KBTBD11: variants seen among roughly 807,000 people sequenced by gnomAD.
The protein encoded by KBTBD11 is kelch repeat and BTB domain containing 11.
For synonymous variants in KBTBD11, 747 were observed against 499.0 expected, an observed-to-expected ratio of 1.50 and a Z score of -6.63; for missense variants, 1,390 against 1,001.8, an observed-to-expected ratio of 1.39 and a Z score of -5.23.
Position 2,002,115 on chromosome 8 carries a change from C to G in KBTBD11, c.923C>G (p.Ala308Gly). Residue 308 changes from alanine (A) to glycine (G), a missense_variant, in exon 2 of 2, where the codon GCG becomes GGG. Transcript: ENST00000320248. This position sits in a 1 kb window ranked among gnomAD's most constrained non-coding sequence, Gnocchi z 4.1. ...AAALGPAGER[A>G]GSRPQSPSGD... ...GCGCTCGGGCCGGCGGGGGAGCGCG[C>G]GGGCAGCCGGCCTCAGAGCCCCTCG... The G allele has an allele frequency of 9.1e-7, 1 of 1,101,204 alleles. No homozygotes were observed. Among genetic ancestry groups the G allele is most frequent in the South Asian group, 4.3e-5 (1 of 23,236 alleles). The allele number at this position is 1,101,204 out of a possible 1,614,324, so 68.2% of individuals were successfully genotyped here. A position where few individuals can be genotyped will look rare whatever the true frequency, so the allele number is the denominator to read the frequency against.
In KBTBD11 at chr8:2,002,686, C is replaced by A; in HGVS notation, c.1494C>A (p.Leu498=). Residue 498 remains leucine, a synonymous_variant, in exon 2 of 2, where the codon CTC becomes CTA. Transcript: ENST00000320248. The surrounding 1 kb of genome is among the most constrained non-coding windows in gnomAD (Gnocchi z 4.1). ...SRERSADMVA[L]DGFIYRFDLS... is the part of the protein sequence containing the mutation. ...AGCGCTCGGCCGACATGGTGGCTCT[C>A]GACGGCTTCATCTACCGCTTCGATC... is the stretch of plus-strand genomic sequence containing the variant. 1.3e-6 allele frequency: 2 copies of A among 1,559,350 alleles called. No individual in the cohort carries two copies. The highest frequency in any genetic ancestry group is 8.6e-7 in the Non-Finnish European group (1 of 1,161,906).
chr8:1,985,774 C>T (rs1816690693), intron 1 of KBTBD11, among the ~76,000 whole-genome samples: 1 of 152,228 alleles, frequency 6.6e-6, no homozygotes, highest in Non-Finnish European at 1.5e-5. Context: ...GCCTGGGTGA[C>T]AGAGTGAGAC....
intron 1 of KBTBD11, among the ~76,000 whole-genome samples, chr8:2,000,029 C>T (rs1228391632): frequency 6.6e-6 from 1 of 152,090 alleles, no homozygotes; most frequent in Non-Finnish European, 1.5e-5. Flanking sequence ...TTGGTGGTGC[C>T]AATTGCTTGA....
intron 1 of KBTBD11, among the ~76,000 whole-genome samples, chr8:1,977,437 T>G (rs1816385468): frequency 6.6e-6 from 1 of 152,216 alleles, no homozygotes; most frequent in South Asian, 2.1e-4. Flanking sequence ...CATCTCATGC[T>G]TGGACTCCTG....
chr8:2,001,795 C>G lies in KBTBD11; in HGVS notation c.603C>G (p.Pro201=), dbSNP rs1486543996. 3.1e-5 allele frequency: 39 copies of G among 1,253,468 alleles called. No individual in the cohort carries two copies. The highest frequency in any genetic ancestry group is 4.3e-5 in the Admixed American group (1 of 23,306). The allele number at this position is 1,253,468 out of a possible 1,614,324, so 77.6% of individuals were successfully genotyped here. Residue 201 remains proline (P), a synonymous_variant, in exon 2 of 2, where the codon CCC becomes CCG. Transcript: ENST00000320248. ...AYSGRMAGVR[P]DNVAEVVAGA... is the part of the protein sequence containing the mutation. ...GCGGGCGCATGGCGGGCGTGCGGCC[C>G]GACAACGTGGCCGAGGTGGTGGCCG...
intron 1 of KBTBD11, among the ~76,000 whole-genome samples, chr8:1,997,542 G>A (rs1042366926): frequency 1.1e-4 from 16 of 152,234 alleles, no homozygotes; most frequent in African/African-American, 1.2e-4. Context: ...GGGCAGGCAC[G>A]TTCAGTGCTG....
intron 1 of KBTBD11, among the ~76,000 whole-genome samples, chr8:1,985,500 G>A (rs913465673): frequency 6.6e-6 from 1 of 152,262 alleles, no homozygotes; most frequent in Non-Finnish European, 1.5e-5. Flanking sequence ...AGCCACACAC[G>A]GCAGCCTGCT....
intron 1 of KBTBD11, among the ~76,000 whole-genome samples, chr8:1,983,895 C>T (rs1816622290): frequency 6.6e-6 from 1 of 151,948 alleles, no homozygotes; most frequent in African/African-American, 2.4e-5. Context: ...TTTGGGAGGC[C>T]AAGGTGGGTG....
Position 2,002,733 on chromosome 8 carries a change from C to A in KBTBD11, c.1541C>A (p.Ala514Glu), listed in dbSNP as rs1316382576. ...RFDLSGSRGE[A>E]QAAGPSGVSV... ...GATCTGAGCGGCAGCCGCGGCGAGG[C>A]GCAGGCGGCGGGGCCGAGCGGGGTC... Residue 514 changes from alanine to glutamate, a missense_variant, in exon 2 of 2, where the codon GCG (alanine) becomes GAG (glutamate). Coordinates refer to ENST00000320248, the MANE Select transcript of KBTBD11 (RefSeq NM_014867.3). This position sits in a 1 kb window ranked among gnomAD's most constrained non-coding sequence, Gnocchi z 4.1. 1.3e-6 allele frequency: 2 copies of A among 1,503,792 alleles called. No homozygotes were observed. Among genetic ancestry groups the A allele is most frequent in the Non-Finnish European group, 1.8e-6 (2 of 1,133,440 alleles). The allele number at this position is 1,503,792 out of a possible 1,614,324, so 93.2% of individuals were successfully genotyped here.
In KBTBD11 at chr8:1,995,846, G is replaced by C. The variant is rs73538643; in HGVS notation, c.-908-4439G>C. On this transcript the variant is annotated intron_variant, in intron 1 of 1. Coordinates refer to ENST00000320248, the MANE Select transcript of KBTBD11 (RefSeq NM_014867.3). The stretch of plus-strand genomic sequence containing the variant: ...TCAGGACCACTCTGGGAAACATAGC[G>C]AGATCCTGTTTCTACTAAACATACA... Among the ~76,000 whole-genome samples, 389 of 152,222 alleles carry C rather than the reference G, an allele frequency of 2.6e-3. 2 individuals carry two copies. The highest frequency in any genetic ancestry group is 8.9e-3 in the African/African-American group (369 of 41,540).
At chr8:1,992,103 C>G (rs995758539) in intron 1 of KBTBD11, among the ~76,000 whole-genome samples, 1 of 152,048 alleles carries the variant, frequency 6.6e-6, no homozygotes, top group Non-Finnish European at 1.5e-5. Flanking sequence ...ACCCAGGACA[C>G]GCACTCCTGG....
In KBTBD11 at chr8:2,005,840, T is replaced by G. The variant is rs957490874; in HGVS notation, c.*2776T>G. The stretch of plus-strand genomic sequence containing the variant: ...GCAGTGGTGTCTTTTGGGGAAAATG[T>G]TATGCATGGAAGCCTGACCTTTTGC... On this transcript the variant is annotated 3_prime_UTR_variant, in exon 2 of 2. Transcript: ENST00000320248. 2 of 167,116 alleles carry G rather than the reference T, an allele frequency of 1.2e-5. No individual in the cohort carries two copies. Among genetic ancestry groups the G allele is most frequent in the African/African-American group, 4.8e-5 (2 of 41,458 alleles). The allele number at this position is 167,116 out of a possible 1,614,324, so 10.4% of individuals were successfully genotyped here. A position where few individuals can be genotyped will look rare whatever the true frequency, so the allele number is the denominator to read the frequency against.
Position 2,002,268 on chromosome 8 carries a change from A to G in KBTBD11, c.1076A>G (p.Asn359Ser). Reference sequence around the variant, plus strand: ...GGCTGCGGCCTGTGCGTCCTCTACAACTACCTCTTCGTGGCGGGCGGCGTG... The same window carrying G: ...GGCTGCGGCCTGTGCGTCCTCTACAGCTACCTCTTCGTGGCGGGCGGCGTG... The part of the protein sequence containing the change: ...ARGCGLCVLY[N>S]YLFVAGGVAP... The change falls in exon 2 of 2, where the codon AAC becomes AGC. Residue 359 changes from asparagine (N) to serine (S), a missense_variant. Transcript: ENST00000320248. This position sits in a 1 kb window ranked among gnomAD's most constrained non-coding sequence, Gnocchi z 4.1. 7 of 1,314,546 alleles carry G rather than the reference A, an allele frequency of 5.3e-6. No homozygotes were observed. The highest frequency in any genetic ancestry group is 5.8e-6 in the Non-Finnish European group (6 of 1,038,894). 81.4% of individuals were successfully genotyped at this position (1,314,546 alleles called of 1,614,324 possible).
chr8:1,993,565 C>T (rs1218563925), intron 1 of KBTBD11, among the ~76,000 whole-genome samples: 1 of 127,620 alleles, frequency 7.8e-6, no homozygotes, highest in Non-Finnish European at 1.7e-5. Context: ...ACCCATCCAT[C>T]CATCCATCCA....
chr8:1,981,135 A>C (rs71518099), intron 1 of KBTBD11, among the ~76,000 whole-genome samples: 18,226 of 152,168 alleles, frequency 0.12, 1,887 homozygotes, highest in African/African-American at 0.28. Flanking sequence ...AGGGTGATCT[A>C]TTCGAAGTGC....
At chr8:1,997,690 G>T (rs1452536329) in intron 1 of KBTBD11, among the ~76,000 whole-genome samples, 1 of 152,238 alleles carries the variant, frequency 6.6e-6, no homozygotes, top group Non-Finnish European at 1.5e-5. Flanking sequence ...ATCGCTGATG[G>T]TGGTGGACAG....
rs1464558993 is a variant in KBTBD11 at position 2,002,472 on chromosome 8, G to T, written c.1280G>T (p.Arg427Leu). Residue 427 changes from arginine to leucine, a missense_variant, in exon 2 of 2, where the codon CGC (arginine) becomes CTC (leucine). Physicochemically the swap from Arg to Leu is moderately radical, Grantham distance 102 (BLOSUM62 -2). Transcript: ENST00000320248. This position sits in a 1 kb window ranked among gnomAD's most constrained non-coding sequence, Gnocchi z 4.1. The stretch of plus-strand genomic sequence containing the variant: ...GGCGAGTGCCTGCTCAGCGTGGAGC[G>T]CTACGACCCGCGCGCCGACCGCTGG... ...VGGECLLSVE[R>L]YDPRADRWAP... The T allele has an allele frequency of 1.3e-6, 2 of 1,509,936 alleles. No individual in the cohort carries two copies. Among genetic ancestry groups the T allele is most frequent in the Non-Finnish European group, 1.8e-6 (2 of 1,137,288 alleles). The allele number at this position is 1,509,936 out of a possible 1,614,324, so 93.5% of individuals were successfully genotyped here.
chr8:1,998,557 G>C (rs1055458872), intron 1 of KBTBD11, among the ~76,000 whole-genome samples: 1 of 152,150 alleles, frequency 6.6e-6, no homozygotes, highest in Non-Finnish European at 1.5e-5. Flanking sequence ...GTACATTGCA[G>C]GACAGTCCAG....
At position 2,003,223 on chromosome 8, in the gene KBTBD11, C is replaced by CGCTTTGCTTTCCTTTT. The variant is rs1305380274; in HGVS notation, c.*164_*179dup. On this transcript the variant is annotated 3_prime_UTR_variant, in exon 2 of 2. Transcript: ENST00000320248. ...CCGAGGACGCTCTCAGGGCCGCTTT[C>CGCTTTGCTTTCCTTTT]GCTTTGCTTTCCTTTTGCTTGTCTT... 8 of 1,147,160 alleles carry CGCTTTGCTTTCCTTTT rather than the reference C, an allele frequency of 7.0e-6. No individual in the cohort carries two copies. The highest frequency in any genetic ancestry group is 8.9e-6 in the Non-Finnish European group (8 of 899,134). The allele number at this position is 1,147,160 out of a possible 1,614,324, so 71.1% of individuals were successfully genotyped here.
Sources: allele counts gnomAD v4.1 joint callset (sites outside exome capture counted in the v4.1 genomes callset), GRCh38; gene constraint gnomAD v4.1.1; non-coding constraint Gnocchi (gnomAD v3.1); transcripts MANE v1.5; gene names NCBI Gene and HGNC (gene_info 2026-07-23, HGNC 2026-07-21).